Variants in ANO5 observed in about 807,000 individuals in gnomAD.
The protein encoded by ANO5 is anoctamin-5.
A neutral mutation model predicts 121.0 loss-of-function variants in ANO5; 109 were observed. The ratio of observed to expected loss-of-function variants is 0.90; its 90% confidence interval spans 0.77 to 1.06. The LOEUF is 1.06. Among genes scored for constraint, ANO5 ranks in the 50% least tolerant of loss-of-function variants. ANO5 has a pLI of 0.00. For missense variants in ANO5, 1,064 were observed against 1,078.5 expected, an observed-to-expected ratio of 0.99 and a Z score of 0.19; for synonymous variants, 406 against 359.9, an observed-to-expected ratio of 1.13 and a Z score of -1.45.
intron 2 of ANO5, among the ~76,000 whole-genome samples, chr11:22,209,847 A>G (rs1156816593): frequency 7.4e-6 from 1 of 134,242 alleles, no homozygotes; most frequent in East Asian, 2.0e-4. Flanking sequence ...TTTTGAATAT[A>G]TGGTTTTCTT....
intron 20 of ANO5, 54 bp from the exon 21 acceptor site, chr11:22,276,040 T>C: frequency 8.3e-7 from 1 of 1,210,288 alleles, no homozygotes; most frequent in Non-Finnish European, 1.2e-6. Flanking sequence ...GTCTCTCTAG[T>C]TGAAGCTATA....
intron 9 of ANO5, among the ~76,000 whole-genome samples, chr11:22,246,907 A>T (rs1166996276): frequency 6.6e-6 from 1 of 151,334 alleles, no homozygotes; most frequent in Admixed American, 6.6e-5. Context: ...TTATTCATAT[A>T]TGCATAATTA....
chr11:22,243,489 G>A (rs1044112858), intron 9 of ANO5, among the ~76,000 whole-genome samples: 1 of 151,972 alleles, frequency 6.6e-6, no homozygotes, highest in Non-Finnish European at 1.5e-5. Flanking sequence ...CAGCAGGGTT[G>A]TTACAAGTTC....
intron 7 of ANO5, among the ~76,000 whole-genome samples, chr11:22,235,215 T>C (rs986182103): frequency 1.3e-5 from 2 of 152,120 alleles, no homozygotes; most frequent in East Asian, 3.9e-4. Flanking sequence ...TACATCTTAA[T>C]ACCTGGTAGT....
intron 6 of ANO5, 102 bp from the exon 7 acceptor site, chr11:22,227,199 TG>T: frequency 6.9e-7 from 1 of 1,456,858 alleles, no homozygotes; most frequent in Non-Finnish European, 9.4e-7. Flanking sequence ...GAAAATGCTT[TG>T]ATGTGTTTGA....
chr11:22,209,127 G>A (rs995543536), intron 2 of ANO5, among the ~76,000 whole-genome samples: 1 of 151,846 alleles, frequency 6.6e-6, no homozygotes, highest in African/African-American at 2.4e-5. Flanking sequence ...ATTATTTTAT[G>A]TTTGAAAAGG....
Position 22,265,750 on chromosome 11 carries a change from T to C in ANO5, c.1898+2707T>C, listed in dbSNP as rs1285910342. Among the ~76,000 whole-genome samples the C allele has an allele frequency of 4.6e-5, 7 of 152,204 alleles. No homozygotes were observed. In the South Asian group the frequency reaches 6.2e-4, roughly 14 times the overall value. Reference sequence around the variant, plus strand: ...ATAGACAAGTGGATTCTAAAATTTATATGGATGGCCAAGGAACTAAAATAA... The same window carrying C: ...ATAGACAAGTGGATTCTAAAATTTACATGGATGGCCAAGGAACTAAAATAA... On this transcript the variant is annotated intron_variant, in intron 17 of 21. Transcript: ENST00000324559.
intron 17 of ANO5, among the ~76,000 whole-genome samples, chr11:22,269,225 AAAGGAAGG>A (rs1013367963): frequency 4.8e-5 from 6 of 125,954 alleles, no homozygotes; most frequent in African/African-American, 2.0e-4. Flanking sequence ...AGGAAAGAAG[AAAGGAAGG>A]AAGGAAGGAG....
At chr11:22,209,581 C>T (rs961912748) in intron 2 of ANO5, among the ~76,000 whole-genome samples, 4 of 151,812 alleles carry the variant, frequency 2.6e-5, no homozygotes, top group African/African-American at 7.2e-5. Flanking sequence ...TCTAAAGCTC[C>T]TTATTCACTG....
intron 3 of ANO5, among the ~76,000 whole-genome samples, chr11:22,215,174 C>T (rs1402836890): frequency 6.6e-6 from 1 of 151,898 alleles, no homozygotes; most frequent in Non-Finnish European, 1.5e-5. Context: ...TAAATAACGA[C>T]AGATATGCAA....
At chr11:22,208,151 A>G (rs1051066792) in intron 2 of ANO5, among the ~76,000 whole-genome samples, 1 of 152,092 alleles carries the variant, frequency 6.6e-6, no homozygotes. Flanking sequence ...TATGATTTTC[A>G]TGTAAGTTGG....
Position 22,203,945 on chromosome 11 carries a change from C to T in ANO5, c.87+95C>T, listed in dbSNP as rs1335031412. ...CCTTTGTACTTATTTACTTATAATA[C>T]ATTCTATTATGCCCTCTAATTTATT... On this transcript the variant is annotated intron_variant, in intron 2 of 21. Transcript: ENST00000324559. 5 of 787,238 alleles carry T rather than the reference C, an allele frequency of 6.4e-6. No homozygotes were observed. In the African/African-American group the frequency reaches 8.7e-5, roughly 14 times the overall value. 48.8% of individuals were successfully genotyped at this position (787,238 alleles called of 1,614,324 possible).
rs775958437 is a variant in ANO5 at position 22,279,735 on chromosome 11, C to G, written c.2712C>G (p.Asn904Lys). 3.7e-6 allele frequency: 6 copies of G among 1,612,516 alleles called. No homozygotes were observed. The highest frequency in any genetic ancestry group is 5.1e-6 in the Non-Finnish European group (6 of 1,179,026). The change falls in exon 22 of 22, where the codon AAC becomes AAG. Residue 904 changes from asparagine (N) to lysine (K), a missense_variant. Coordinates refer to ENST00000324559, the MANE Select transcript of ANO5 (RefSeq NM_213599.3). ...CCAAGCATGTCATGATTGAGGAAAA[C>G]AAAGCACAGCTGGCTAAATCAACAC... ...EFAKHVMIEENKAQLAKSTL is the reference protein window; with the variant it reads ...EFAKHVMIEEKKAQLAKSTL
At chr11:22,276,268 C>T in intron 21 of ANO5, 69 bp downstream of exon 21, 2 of 1,277,890 alleles carry the variant, frequency 1.6e-6, no homozygotes, top group Non-Finnish European at 2.3e-6. Flanking sequence ...TAAAGGTAAC[C>T]TCTCATCAGA....
chr11:22,199,423 A>G (rs1162643686), intron 1 of ANO5, among the ~76,000 whole-genome samples: 4 of 152,104 alleles, frequency 2.6e-5, no homozygotes, highest in African/African-American at 9.7e-5. Context: ...TGAGTACATT[A>G]CTACACCATA....
intron 20 of ANO5, 147 bp downstream of exon 20, chr11:22,274,894 T>G: frequency 9.0e-7 from 1 of 1,110,364 alleles, no homozygotes; most frequent in Non-Finnish European, 1.3e-6. Context: ...CATTCTAGAA[T>G]TCACACATTG....
intron 5 of ANO5, among the ~76,000 whole-genome samples, chr11:22,223,968 A>G (rs767235133): frequency 9.2e-5 from 14 of 152,076 alleles, no homozygotes; most frequent in South Asian, 2.1e-4. Context: ...ATAAAATCCA[A>G]TGGTCAAGCC....
chr11:22,274,504 A>C (rs1854755144), intron 19 of ANO5, 65 bp from the exon 20 acceptor site: 1 of 1,417,272 alleles, frequency 7.1e-7, no homozygotes, highest in Non-Finnish European at 9.5e-7. Flanking sequence ...GAGATGTACA[A>C]ATCAGACATT....
chr11:22,243,656 G>A (rs1470162741), intron 9 of ANO5, among the ~76,000 whole-genome samples: 2 of 79,578 alleles, frequency 2.5e-5, no homozygotes, highest in Admixed American at 1.2e-4. Context: ...GGGAGCTTTT[G>A]TGTTTCCAGG....
Sources: allele counts gnomAD v4.1 joint callset (sites outside exome capture counted in the v4.1 genomes callset), GRCh38; gene constraint gnomAD v4.1.1; transcripts MANE v1.5; gene names NCBI Gene and HGNC (gene_info 2026-07-23, HGNC 2026-07-21).